The following HIC2 variants were observed in gnomAD, a reference collection of about 807,000 sequenced individuals.
HIC2 encodes the protein hypermethylated in cancer 2 protein.
HIC2 carries 2 observed loss-of-function variants against 39.5 expected under a neutral mutation model. The observed-to-expected ratio is 0.05, with a 90% CI of 0.02 to 0.16. The LOEUF (loss-of-function observed/expected upper bound fraction) is 0.16. Among genes scored for constraint, HIC2 ranks in the 10% least tolerant of loss-of-function variants. The probability of loss-of-function intolerance (pLI) is 1.00; values close to 1 mark genes in which losing one functional copy is unlikely to be tolerated. For synonymous variants in HIC2, 399 were observed against 368.8 expected, an observed-to-expected ratio of 1.08 and a Z score of -0.94; for missense variants, 713 against 863.5, an observed-to-expected ratio of 0.83 and a Z score of 2.18.
At chr22:21,418,291 C>CT (rs1350772086) in intron 1 of HIC2, among the ~76,000 whole-genome samples, 10 of 44,888 alleles carry the variant, frequency 2.2e-4, no homozygotes, top group African/African-American at 9.0e-4. Context: ...TTGTCACTCT[C>CT]TGTTTATCTT....
In HIC2 at chr22:21,446,964, A is replaced by C; in HGVS notation, c.*221A>C. ...GGGGTCCCAGCCCGTCTACCTCCCC[A>C]TCCCACCCAGGCCCCCAGCTCCCCG... is the stretch of plus-strand genomic sequence containing the variant. On this transcript the variant is annotated 3_prime_UTR_variant, in exon 3 of 3. Coordinates refer to ENST00000407464, the MANE Select transcript of HIC2 (RefSeq NM_015094.3). 7 of 637,786 alleles carry C rather than the reference A, an allele frequency of 1.1e-5. No individual in the cohort carries two copies. Among genetic ancestry groups the C allele is most frequent in the South Asian group, 2.3e-5 (1 of 43,632 alleles). 39.5% of individuals were successfully genotyped at this position (637,786 alleles called of 1,614,324 possible).
intron 1 of HIC2, among the ~76,000 whole-genome samples, chr22:21,430,819 C>T (rs1474956587): frequency 1.2e-4 from 8 of 65,738 alleles, no homozygotes; most frequent in African/African-American, 4.9e-4. Context: ...CGCAGTGAGC[C>T]GAGATTGTGT....
At chr22:21,444,656 C>T (rs1476981687) in intron 2 of HIC2, among the ~76,000 whole-genome samples, 3 of 152,228 alleles carry the variant, frequency 2.0e-5, no homozygotes, top group Non-Finnish European at 4.4e-5. Context: ...CCCCTCATCA[C>T]CCTCCACCTC....
intron 1 of HIC2, among the ~76,000 whole-genome samples, chr22:21,426,336 T>TG (rs1923250829): frequency 4.3e-4 from 6 of 14,068 alleles, no homozygotes; most frequent in African/African-American, 1.4e-3. Flanking sequence ...CACAGCCAGC[T>TG]ATTTTTTTTT....
In HIC2 at chr22:21,446,402, C is replaced by T; in HGVS notation, c.1507C>T (p.Arg503Trp). The T allele has an allele frequency of 6.2e-6, 10 of 1,612,160 alleles. No homozygotes were observed. The highest frequency in any genetic ancestry group is 1.6e-4 in the Middle Eastern group (1 of 6,062). The change falls in exon 3 of 3, where the codon CGG becomes TGG. Residue 503 changes from arginine to tryptophan, a missense_variant. Arg to Trp is a moderately radical substitution (Grantham distance 101). Around this residue, in one of 5 missense-constraint regions of HIC2, gnomAD observed 103 missense variants for 103.4 expected, o/e 1.00. Transcript: ENST00000407464. ...APSAAYTAEP[R>W]PFKCSVCEKT... ...CAGTGCGGCCTACACGGCTGAGCCCCGGCCCTTCAAGTGTTCGGTCTGCGA... is the reference window on the plus strand; with the variant it reads ...CAGTGCGGCCTACACGGCTGAGCCCTGGCCCTTCAAGTGTTCGGTCTGCGA...
chr22:21,446,141 G>A lies in HIC2; in HGVS notation c.1246G>A (p.Gly416Arg). 5.6e-6 allele frequency: 9 copies of A among 1,608,766 alleles called. No individual in the cohort carries two copies. Among genetic ancestry groups the A allele is most frequent in the Non-Finnish European group, 7.6e-6 (9 of 1,179,928 alleles). Reference sequence around the variant, plus strand: ...AGACAGTGCGCAGAGCGGGAGCGAGGGGGGCAGCGGCCATGCCAGCGCCCA... The same window carrying A: ...AGACAGTGCGCAGAGCGGGAGCGAGAGGGGCAGCGGCCATGCCAGCGCCCA... The part of the protein sequence containing the change: ...SEDSAQSGSE[G>R]GSGHASAHYM... The change falls in exon 3 of 3, where the codon GGG (glycine) becomes AGG (arginine). Residue 416 changes from glycine to arginine, a missense_variant. Transcript: ENST00000407464.
chr22:21,446,012 G>A lies in HIC2; in HGVS notation c.1117G>A (p.Val373Ile). ...GGAGGGTGAGGGGGTCGGGGACAGG[G>A]TTCCCAATGGCATCCTGGCTAGTGG... ...GEEGEGVGDR[V>I]PNGILASGAG... The change falls in exon 3 of 3, where the codon GTT becomes ATT. Residue 373 changes from valine to isoleucine, a missense_variant. Physicochemically the swap from Val to Ile is conservative, Grantham distance 29 (BLOSUM62 3). Coordinates refer to ENST00000407464, the MANE Select transcript of HIC2 (RefSeq NM_015094.3). 2 of 1,579,906 alleles carry A rather than the reference G, an allele frequency of 1.3e-6. No individual in the cohort carries two copies. Among genetic ancestry groups the A allele is most frequent in the Non-Finnish European group, 1.7e-6 (2 of 1,164,618 alleles).
chr22:21,446,887 C>G lies in HIC2; in HGVS notation c.*144C>G. On this transcript the variant is annotated 3_prime_UTR_variant, in exon 3 of 3. Transcript: ENST00000407464. The stretch of plus-strand genomic sequence containing the variant: ...CCCTCTGGCCCCCACTGCCCACACC[C>G]AGAGCTTTAATGGACAGTCCGTACC... 1 of 1,157,442 alleles carries G rather than the reference C, an allele frequency of 8.6e-7. No individual in the cohort carries two copies. The allele number at this position is 1,157,442 out of a possible 1,614,324, so 71.7% of individuals were successfully genotyped here.
intron 1 of HIC2, among the ~76,000 whole-genome samples, chr22:21,435,377 C>CT (rs1172598520): frequency 1.4e-5 from 1 of 72,424 alleles, no homozygotes; most frequent in Non-Finnish European, 2.7e-5. Flanking sequence ...GTCTGAGCCT[C>CT]TGCGTGTCTA....
Position 21,445,346 on chromosome 22 carries a change from G to A in HIC2, c.451G>A (p.Ala151Thr). ...RAGKPFGSGR[A>T]GSTGMGRPPR... ...CGGCAAGCCCTTTGGCTCTGGGAGG[G>A]CGGGGTCCACTGGCATGGGGCGGCC... Residue 151 changes from alanine to threonine, a missense_variant, in exon 3 of 3, where the codon GCG (alanine) becomes ACG (threonine). By Grantham distance (58) the Ala-to-Thr change is moderately conservative (BLOSUM62 0). Transcript: ENST00000407464. 6.3e-7 allele frequency: 1 copy of A among 1,581,904 alleles called. No individual in the cohort carries two copies. Among genetic ancestry groups the A allele is most frequent in the Non-Finnish European group, 8.6e-7 (1 of 1,164,204 alleles).
chr22:21,443,163 G>C (rs1923611642), intron 2 of HIC2, among the ~76,000 whole-genome samples: 1 of 152,202 alleles, frequency 6.6e-6, no homozygotes. Context: ...GTTGAGGCGG[G>C]CAGGGAGTGG....
At position 21,446,908 on chromosome 22, in the gene HIC2, G is replaced by A. The variant is rs144462135; in HGVS notation, c.*165G>A. ...CACCCAGAGCTTTAATGGACAGTCC[G>A]TACCAAGCAGAGCCGAGAGGAGGGA... On this transcript the variant is annotated 3_prime_UTR_variant, in exon 3 of 3. Coordinates refer to ENST00000407464, the MANE Select transcript of HIC2 (RefSeq NM_015094.3). 28 of 972,590 alleles carry A rather than the reference G, an allele frequency of 2.9e-5. 1 individual carries two copies. The highest frequency in any genetic ancestry group is 5.3e-5 in the South Asian group (3 of 56,822). 60.2% of individuals were successfully genotyped at this position (972,590 alleles called of 1,614,324 possible).
chr22:21,425,826 C>T (rs1202023612), intron 1 of HIC2, among the ~76,000 whole-genome samples: 2 of 147,716 alleles, frequency 1.4e-5, no homozygotes, highest in Non-Finnish European at 3.0e-5. Context: ...ATTCTCCTGC[C>T]TCAGCCTCCC....
chr22:21,445,687 C>A lies in HIC2; in HGVS notation c.792C>A (p.His264Gln). Reference protein sequence around the residue: ...PPLPPATPGPHLTPDDAAQLS... With the variant: ...PPLPPATPGPQLTPDDAAQLS... Reference sequence around the variant, plus strand: ...TGCCCCCTGCCACCCCAGGTCCCCACCTCACTCCCGATGACGCAGCCCAGC... The same window carrying A: ...TGCCCCCTGCCACCCCAGGTCCCCAACTCACTCCCGATGACGCAGCCCAGC... Residue 264 changes from histidine (H) to glutamine (Q), a missense_variant, in exon 3 of 3, where the codon CAC becomes CAA. By Grantham distance (24) the His-to-Gln change is conservative. This residue lies in a region of HIC2 where 457 missense variants were observed against 420.2 expected (regional missense o/e 1.09). Transcript: ENST00000407464. 1 of 1,611,802 alleles carries A rather than the reference C, an allele frequency of 6.2e-7. No homozygotes were observed.
rs975444108 is a variant in HIC2 at position 21,449,694 on chromosome 22, G to A, written c.*2951G>A. The A allele has an allele frequency of 2.6e-5, 4 of 152,746 alleles. No homozygotes were observed. Among genetic ancestry groups the A allele is most frequent in the African/African-American group, 9.6e-5 (4 of 41,460 alleles). 9.5% of individuals were successfully genotyped at this position (152,746 alleles called of 1,614,324 possible). A position where few individuals can be genotyped will look rare whatever the true frequency, so the allele number is the denominator to read the frequency against. On this transcript the variant is annotated 3_prime_UTR_variant, in exon 3 of 3. Transcript: ENST00000407464. ...CCTGGGGCTGGGGGAGGGATTGGAA[G>A]CCTCCCTGGAGTCACCTGAGCCCTC...
In HIC2 at chr22:21,446,100, G is replaced by T; in HGVS notation, c.1205G>T (p.Gly402Val). The T allele has an allele frequency of 6.2e-7, 1 of 1,607,786 alleles. No individual in the cohort carries two copies. ...PYPCKEEEEN[G>V]KDASEDSAQS... ...CCCTGCAAGGAGGAGGAGGAGAACG[G>T]CAAGGATGCAAGTGAAGACAGTGCG... Residue 402 changes from glycine to valine, a missense_variant, in exon 3 of 3, where the codon GGC becomes GTC. Gly to Val is a moderately radical substitution (Grantham distance 109). This residue lies in a region of HIC2 where 457 missense variants were observed against 420.2 expected (regional missense o/e 1.09). Transcript: ENST00000407464.
Position 21,446,794 on chromosome 22 carries a change from T to C in HIC2, c.*51T>C, listed in dbSNP as rs757455239. 2 of 1,557,960 alleles carry C rather than the reference T, an allele frequency of 1.3e-6. No homozygotes were observed. Among genetic ancestry groups the C allele is most frequent in the Non-Finnish European group, 1.7e-6 (2 of 1,150,250 alleles). Reference sequence around the variant, plus strand: ...TGCCACCTTGCTCCCCGGGAACCCATGGAAGGAGAAGCGAGGTGATGCAGC... The same window carrying C: ...TGCCACCTTGCTCCCCGGGAACCCACGGAAGGAGAAGCGAGGTGATGCAGC... On this transcript the variant is annotated 3_prime_UTR_variant, in exon 3 of 3. Coordinates refer to ENST00000407464, the MANE Select transcript of HIC2 (RefSeq NM_015094.3).
Position 21,447,654 on chromosome 22 carries a change from AAG to A in HIC2, c.*915_*916del. On this transcript the variant is annotated 3_prime_UTR_variant, in exon 3 of 3. Coordinates refer to ENST00000407464, the MANE Select transcript of HIC2 (RefSeq NM_015094.3). Reference sequence around the variant, plus strand: ...TGTTTAGAGGTACTTGTTTTTTATTAAGAGAAAAACCAGTGTAACGTTTATGT... The same window carrying A: ...TGTTTAGAGGTACTTGTTTTTTATTAAGAAAAACCAGTGTAACGTTTATGT... 6.6e-6 allele frequency: 1 copy of A among 151,688 alleles called. No homozygotes were observed. The highest frequency in any genetic ancestry group is 1.9e-4 in the East Asian group (1 of 5,264). 9.4% of individuals were successfully genotyped at this position (151,688 alleles called of 1,614,324 possible). A position where few individuals can be genotyped will look rare whatever the true frequency, so the allele number is the denominator to read the frequency against.
intron 1 of HIC2, among the ~76,000 whole-genome samples, chr22:21,436,496 A>AGAG (rs1923425170): frequency 1.3e-5 from 2 of 151,928 alleles, no homozygotes; most frequent in Admixed American, 6.5e-5. Context: ...CCTGAGGAGC[A>AGAG]GAGGAGGAGG....
Sources: gnomAD v4.1 joint callset for allele counts (sites outside exome capture counted in the v4.1 genomes callset) on GRCh38, gnomAD v4.1.1 for gene constraint, gnomAD v4.1.1 regional missense constraint, MANE v1.5 for transcripts, NCBI Gene and HGNC (gene_info 2026-07-23, HGNC 2026-07-21) for gene names.